Variants in ITIH2 observed in about 807,000 individuals in gnomAD.
The protein encoded by ITIH2 is inter-alpha-trypsin inhibitor heavy chain H2.
Under a neutral mutation model 104.4 loss-of-function variants are expected in ITIH2, and 103 were observed. The ratio of observed to expected loss-of-function variants is 0.99; its 90% CI spans 0.84 to 1.16. The LOEUF is 1.16. ITIH2 is among the 50% of genes most tolerant of loss of function. The probability of loss-of-function intolerance (pLI) is 0.00; values close to 1 mark genes in which losing one functional copy is unlikely to be tolerated. For missense variants in ITIH2, 1,108 were observed against 1,162.4 expected (o/e 0.95, Z 0.68); for synonymous variants, 436 against 435.4 (o/e 1.00, Z -0.02).
At chr10:7,716,735 CAAAAAAAAAAAAA>C (rs61703360) in intron 5 of ITIH2, among the ~76,000 whole-genome samples, 1 of 58,770 alleles carries the variant, frequency 1.7e-5, no homozygotes, top group African/African-American at 4.7e-5. Flanking sequence ...GACCCCAGCT[CAAAAAAAAAAAAA>C]AAAAAAAGAG....
chr10:7,727,826 T>A lies in ITIH2; in HGVS notation c.1277T>A (p.Val426Glu). 1 of 1,614,168 alleles carries A rather than the reference T, an allele frequency of 6.2e-7. No homozygotes were observed. Among genetic ancestry groups the A allele is most frequent in the South Asian group, 1.1e-5 (1 of 91,072 alleles). ...IILVSDGDPT[V>E]GELKLSKIQK... is the part of the protein sequence containing the mutation. ...TTGGTTTCTGATGGAGATCCAACAG[T>A]GGGCAAGTGTCACTTCAACCTTCTC... Residue 426 changes from valine (V) to glutamate (E), a missense_variant and splice_region_variant, in exon 11 of 21, where the codon GTG (valine) becomes GAG (glutamate). By Grantham distance (121) the Val-to-Glu change is moderately radical. Coordinates refer to ENST00000358415, the MANE Select transcript of ITIH2 (RefSeq NM_002216.3).
chr10:7,727,591 TGGAATA>T, intron 10 of ITIH2, 106 bp from the exon 11 acceptor site: 4 of 1,258,762 alleles, frequency 3.2e-6, no homozygotes, highest in Non-Finnish European at 4.5e-6. Flanking sequence ...GATTTTGGCA[TGGAATA>T]AGTGATGGAT....
Position 7,741,231 on chromosome 10 carries a change from T to A in ITIH2, c.2096-1915T>A, listed in dbSNP as rs543189599. ...TTCACTCTTTTTGCCTAGGCTGGAG[T>A]GCAATGGCTCGATCTCGGCTCACTG... On this transcript the variant is annotated intron_variant, in intron 16 of 20. Transcript: ENST00000358415. 2.1e-5 allele frequency among the ~76,000 whole-genome samples: 3 copies of A among 142,352 alleles called. No homozygotes were observed. In the East Asian group the frequency reaches 6.4e-4, roughly 30 times the overall value. The allele number at this position is 142,352 out of a possible 152,430, so 93.4% of individuals were successfully genotyped here. A position where few individuals can be genotyped will look rare whatever the true frequency, so the allele number is the denominator to read the frequency against.
intron 9 of ITIH2, among the ~76,000 whole-genome samples, chr10:7,724,466 A>T (rs1174001341): frequency 1.3e-5 from 2 of 149,346 alleles, no homozygotes; most frequent in Non-Finnish European, 3.0e-5. Context: ...GCTACTCGGG[A>T]GGCTGAGGCA....
In ITIH2 at chr10:7,703,390, C is replaced by A; in HGVS notation, c.-45C>A. On this transcript the variant is annotated 5_prime_UTR_variant, in exon 1 of 21. Transcript: ENST00000358415. ...TTCAGTAGGAAGAAGTGATATCCTC[C>A]CCAGACCATCTGCTTTGGGGAGCTT... 7.4e-7 allele frequency: 1 copy of A among 1,347,924 alleles called. No individual in the cohort carries two copies. Among genetic ancestry groups the A allele is most frequent in the Non-Finnish European group, 1.1e-6 (1 of 937,394 alleles). The allele number at this position is 1,347,924 out of a possible 1,614,324, so 83.5% of individuals were successfully genotyped here. A position where few individuals can be genotyped will look rare whatever the true frequency, so the allele number is the denominator to read the frequency against.
intron 3 of ITIH2, among the ~76,000 whole-genome samples, chr10:7,707,617 G>T (rs187116135): frequency 4.6e-5 from 7 of 152,194 alleles, no homozygotes; most frequent in Admixed American, 1.3e-4. Context: ...CCAGGCTGGA[G>T]TGCAATGGCA....
chr10:7,723,109 G>C (rs1834920750), intron 8 of ITIH2, among the ~76,000 whole-genome samples: 1 of 141,238 alleles, frequency 7.1e-6, no homozygotes, highest in Non-Finnish European at 1.6e-5. Flanking sequence ...GTGGCGTGGT[G>C]TGGTGTGGAG....
chr10:7,732,368 G>A lies in ITIH2; in HGVS notation c.1678G>A (p.Ala560Thr), dbSNP rs1835011856. ...ANTQLVLETLAQMDDLQDFLS... is the reference protein window; with the variant it reads ...ANTQLVLETLTQMDDLQDFLS... ...CACGCAGTTAGTCTTGGAGACCCTG[G>A]CCCAGATGGACGACTTGCAGGATTT... The change falls in exon 14 of 21, where the codon GCC (alanine) becomes ACC (threonine). Residue 560 changes from alanine to threonine, a missense_variant. Coordinates refer to ENST00000358415, the MANE Select transcript of ITIH2 (RefSeq NM_002216.3). 1 of 1,613,990 alleles carries A rather than the reference G, an allele frequency of 6.2e-7. No individual in the cohort carries two copies. The highest frequency in any genetic ancestry group is 2.2e-5 in the East Asian group (1 of 44,868).
intron 11 of ITIH2, among the ~76,000 whole-genome samples, chr10:7,729,059 A>G (rs986332287): frequency 1.3e-5 from 2 of 152,238 alleles, no homozygotes; most frequent in African/African-American, 4.8e-5. Flanking sequence ...CACACCTGTA[A>G]TCCCAGCACT....
intron 4 of ITIH2, among the ~76,000 whole-genome samples, chr10:7,711,689 C>T (rs1834798131): frequency 1.3e-5 from 2 of 152,154 alleles, no homozygotes; most frequent in Admixed American, 6.5e-5. Context: ...ACAAGTGTGC[C>T]TCAACACACG....
At chr10:7,738,953 T>A (rs1364507600) in intron 16 of ITIH2, among the ~76,000 whole-genome samples, 195 bp downstream of exon 16, 1 of 152,258 alleles carries the variant, frequency 6.6e-6, no homozygotes, top group Non-Finnish European at 1.5e-5. Flanking sequence ...ATTTACAGAA[T>A]CCTAGTTTTG....
At chr10:7,724,258 A>G (rs1834932002) in intron 9 of ITIH2, among the ~76,000 whole-genome samples, 1 of 152,104 alleles carries the variant, frequency 6.6e-6, no homozygotes, top group South Asian at 2.1e-4. Context: ...CTACCCTAAG[A>G]TCTGTAAGGA....
At chr10:7,707,749 G>A (rs562850561) in intron 3 of ITIH2, among the ~76,000 whole-genome samples, 1 of 152,206 alleles carries the variant, frequency 6.6e-6, no homozygotes, top group East Asian at 1.9e-4. Context: ...GTTTTTAGTA[G>A]AGATGGGGTT....
intron 11 of ITIH2, among the ~76,000 whole-genome samples, chr10:7,729,271 C>T (rs564793072): frequency 1.6e-3 from 238 of 152,188 alleles, no homozygotes; most frequent in Non-Finnish European, 2.8e-3. Flanking sequence ...TGAGATCGTG[C>T]CACTGCACTC....
At chr10:7,730,338 GA>G (rs1296458825) in intron 12 of ITIH2, among the ~76,000 whole-genome samples, 5 of 152,174 alleles carry the variant, frequency 3.3e-5, no homozygotes, top group Non-Finnish European at 7.3e-5. Flanking sequence ...AGTGAGGTAT[GA>G]GGCAGATGGG....
intron 7 of ITIH2, 73 bp downstream of exon 7, chr10:7,721,036 T>A: frequency 1.0e-6 from 1 of 965,104 alleles, no homozygotes; most frequent in Non-Finnish European, 1.7e-6. Context: ...CCTTCTGTGC[T>A]CTGGAGAAGA....
intron 13 of ITIH2, 91 bp from the exon 14 acceptor site, chr10:7,732,247 C>T: frequency 7.2e-7 from 1 of 1,382,784 alleles, no homozygotes; most frequent in South Asian, 1.3e-5. Context: ...CTTTTTTATT[C>T]CCATTCATTC....
At chr10:7,745,342 A>T (rs2130967381) in intron 19 of ITIH2, among the ~76,000 whole-genome samples, 1 of 152,332 alleles carries the variant, frequency 6.6e-6, no homozygotes, top group South Asian at 2.1e-4. Flanking sequence ...AAAGCCTGTG[A>T]CATCACAAAC....
At chr10:7,717,958 C>T (rs557414470) in intron 6 of ITIH2, among the ~76,000 whole-genome samples, 170 bp downstream of exon 6, 43 of 152,186 alleles carry the variant, frequency 2.8e-4, no homozygotes, top group African/African-American at 1.0e-3. Flanking sequence ...CACACCACTT[C>T]CTTATGGCTC....
Sources: gnomAD v4.1 joint callset for allele counts (sites outside exome capture counted in the v4.1 genomes callset) on GRCh38, gnomAD v4.1.1 for gene constraint, MANE v1.5 for transcripts, NCBI Gene and HGNC (gene_info 2026-07-23, HGNC 2026-07-21) for gene names.